Variants in DPP6 observed in about 807,000 individuals in gnomAD.
DPP6 encodes the protein A-type potassium channel modulatory protein DPP6.
Under a neutral mutation model 122.6 loss-of-function variants are expected in DPP6, and 69 were observed. That is an observed-to-expected ratio of 0.56 (90% CI 0.46 to 0.69). DPP6 has a LOEUF of 0.69. DPP6 is among the 30% of genes least tolerant of loss of function. The pLI is 0.00. For missense variants in DPP6, 928 were observed against 1,116.9 expected, an observed-to-expected ratio of 0.83 and a Z score of 2.41; for synonymous variants, 418 against 433.1, an observed-to-expected ratio of 0.97 and a Z score of 0.43.
At chr7:154,602,523 G>C (rs1370458420) in intron 5 of DPP6, among the ~76,000 whole-genome samples, 1 of 116,008 alleles carries the variant, frequency 8.6e-6, no homozygotes, top group Non-Finnish European at 1.9e-5. Flanking sequence ...GTTCAGGTGA[G>C]TCTCCCGCCT....
chr7:154,741,860 A>T (rs1381999944), intron 8 of DPP6, among the ~76,000 whole-genome samples: 2 of 152,226 alleles, frequency 1.3e-5, no homozygotes, highest in African/African-American at 4.8e-5. Flanking sequence ...ACCCACCGCC[A>T]TGTGGCTCCC....
chr7:154,335,428 A>G (rs922056333), intron 1 of DPP6, among the ~76,000 whole-genome samples: 4 of 152,246 alleles, frequency 2.6e-5, no homozygotes, highest in Admixed American at 2.0e-4. Flanking sequence ...GGTTGTATAA[A>G]TGACCATTAA....
chr7:153,848,265 C>T, the DPP6 span, among the ~76,000 whole-genome samples: 25 of 149,718 alleles, frequency 1.7e-4, no homozygotes, highest in African/African-American at 6.1e-4. Context: ...CAACCCCTAC[C>T]CCCACCCCAG....
the DPP6 span, among the ~76,000 whole-genome samples, chr7:153,754,374 A>G: frequency 2.0e-5 from 3 of 152,186 alleles, no homozygotes; most frequent in Non-Finnish European, 2.9e-5. Flanking sequence ...TAAAGATGGC[A>G]TTCCACTGAG....
chr7:153,867,207 G>T, the DPP6 span, among the ~76,000 whole-genome samples: 2 of 152,136 alleles, frequency 1.3e-5, no homozygotes, highest in African/African-American at 2.4e-5. Context: ...GTAGCTTGAG[G>T]GGGATGGCAT....
Position 154,722,210 on chromosome 7 carries a change from A to G in DPP6, c.763-5557A>G, listed in dbSNP as rs371196388. Among the ~76,000 whole-genome samples the G allele has an allele frequency of 2.0e-5, 3 of 152,342 alleles. No homozygotes were observed. The South Asian group carries it at 6.2e-4, about 32-fold the overall frequency. On this transcript the variant is annotated intron_variant, in intron 7 of 25. Coordinates refer to ENST00000377770, the MANE Select transcript of DPP6 (RefSeq NM_130797.4). ...ACCCTGCCTTCCAAAAACAACAACA[A>G]CAAAAGATGAGGTTTTATTATTATC...
At chr7:153,749,354 T>G in the DPP6 span, among the ~76,000 whole-genome samples, 2 of 151,930 alleles carry the variant, frequency 1.3e-5, no homozygotes, top group South Asian at 4.2e-4. This position sits in a 1 kb window ranked among gnomAD's most constrained non-coding sequence, Gnocchi z 4.1. Context: ...GAGGTCGGCG[T>G]TGGGAGGCAG....
intron 1 of DPP6, among the ~76,000 whole-genome samples, chr7:153,912,487 T>A (rs1800134282): frequency 6.6e-6 from 1 of 152,204 alleles, no homozygotes; most frequent in Non-Finnish European, 1.5e-5. Flanking sequence ...ACATTTCAGC[T>A]GCCAAAATAG....
chr7:154,202,686 G>A (rs564577770), intron 1 of DPP6, among the ~76,000 whole-genome samples: 5 of 152,244 alleles, frequency 3.3e-5, no homozygotes, highest in East Asian at 3.9e-4. Flanking sequence ...ACTACAGGCC[G>A]GGGCCACTGG....
the DPP6 span, among the ~76,000 whole-genome samples, chr7:153,870,448 A>G: frequency 6.6e-6 from 1 of 152,218 alleles, no homozygotes; most frequent in Non-Finnish European, 1.5e-5. Context: ...CGAATCAGCT[A>G]CTGAGGCTTC....
At chr7:154,476,970 G>T (rs55918613) in intron 3 of DPP6, among the ~76,000 whole-genome samples, 56,322 of 151,622 alleles carry the variant, frequency 0.37, 11,118 homozygotes, top group African/African-American at 0.48. Flanking sequence ...TCCCAGCTAC[G>T]TGGGAGGCTG....
chr7:154,678,550 AG>A (rs1385845957), intron 7 of DPP6, among the ~76,000 whole-genome samples: 2 of 152,152 alleles, frequency 1.3e-5, no homozygotes, highest in African/African-American at 4.8e-5. Context: ...GAACATCTGA[AG>A]GAAGAAATTC....
chr7:154,845,824 G>A (rs1355877864), intron 16 of DPP6, among the ~76,000 whole-genome samples: 10 of 152,332 alleles, frequency 6.6e-5, no homozygotes, highest in Middle Eastern at 3.4e-3. Flanking sequence ...GAACTGTTTC[G>A]ACTTTCAGTG....
At chr7:154,373,030 C>T (rs547466198) in intron 1 of DPP6, among the ~76,000 whole-genome samples, 19 of 152,306 alleles carry the variant, frequency 1.2e-4, no homozygotes, top group Admixed American at 7.2e-4. Flanking sequence ...TAGTGCCTCT[C>T]GGCATCTCCT....
intron 1 of DPP6, among the ~76,000 whole-genome samples, chr7:153,920,204 G>C (rs571884242): frequency 1.5e-5 from 1 of 66,440 alleles, no homozygotes; most frequent in Admixed American, 1.8e-4. Flanking sequence ...CCTGAAAGTC[G>C]AGGGGGTGAC....
chr7:154,763,875 G>GTCTGCC (rs1267748764), intron 8 of DPP6, among the ~76,000 whole-genome samples: 12 of 152,150 alleles, frequency 7.9e-5, no homozygotes, highest in Non-Finnish European at 1.6e-4. Flanking sequence ...GAGACTTTAA[G>GTCTGCC]TCTGCCTCAC....
chr7:154,329,513 T>A (rs1808733721), intron 1 of DPP6, among the ~76,000 whole-genome samples: 1 of 152,198 alleles, frequency 6.6e-6, no homozygotes, highest in Non-Finnish European at 1.5e-5. Flanking sequence ...AGAATGGCGA[T>A]CATTAAAAAG....
At chr7:154,231,722 C>T (rs1032061274) in intron 1 of DPP6, among the ~76,000 whole-genome samples, 1 of 152,130 alleles carries the variant, frequency 6.6e-6, no homozygotes, top group Non-Finnish European at 1.5e-5. Context: ...TCCTGGAGCA[C>T]TTGCGAGCCA....
At chr7:154,412,449 T>C (rs957032198) in intron 1 of DPP6, among the ~76,000 whole-genome samples, 2 of 152,126 alleles carry the variant, frequency 1.3e-5, no homozygotes, top group African/African-American at 4.8e-5. Context: ...CTTCCTCTTC[T>C]TTTAAGAACA....
Sources: allele counts gnomAD v4.1 joint callset (sites outside exome capture counted in the v4.1 genomes callset), GRCh38; gene constraint gnomAD v4.1.1; non-coding constraint Gnocchi (gnomAD v3.1); transcripts MANE v1.5; gene names NCBI Gene and HGNC (gene_info 2026-07-23, HGNC 2026-07-21).